NRXN3: variants seen among roughly 807,000 people sequenced by gnomAD.
The protein encoded by NRXN3 is neurexin 3.
A neutral mutation model predicts 137.6 loss-of-function variants in NRXN3; 32 were observed. That is an observed-to-expected ratio of 0.23 (90% confidence interval 0.18 to 0.31). The LOEUF (loss-of-function observed/expected upper bound fraction) is 0.31, where lower values mean the gene tolerates loss of function less well. Ranked by LOEUF, NRXN3 falls within the 10% of genes least tolerant of loss-of-function variation. NRXN3 has a pLI of 1.00. For synonymous variants in NRXN3, 798 were observed against 784.5 expected (o/e 1.02, Z -0.29); for missense variants, 1,574 against 2,062.5 (o/e 0.76, Z 4.59).
intron 10 of NRXN3, among the ~76,000 whole-genome samples, chr14:78,837,949 T>G (rs1428399596): frequency 6.6e-6 from 1 of 152,168 alleles, no homozygotes; most frequent in East Asian, 1.9e-4. Flanking sequence ...GCCCAGAGAA[T>G]GCTAAACAGA....
At chr14:78,880,239 C>CAAAAAAAAAAA (rs59348965) in intron 10 of NRXN3, among the ~76,000 whole-genome samples, 1 of 45,274 alleles carries the variant, frequency 2.2e-5, no homozygotes, top group African/African-American at 7.8e-5. Flanking sequence ...GACTCCGTCT[C>CAAAAAAAAAAA]AAAAAAAAAA....
intron 15 of NRXN3, among the ~76,000 whole-genome samples, chr14:79,008,812 C>T (rs536367638): frequency 4.6e-5 from 7 of 152,104 alleles, no homozygotes; most frequent in African/African-American, 9.7e-5. Context: ...GCGCCCACCA[C>T]CACACCTGGC....
intron 4 of NRXN3, among the ~76,000 whole-genome samples, chr14:78,372,994 A>G (rs896933479): frequency 2.0e-5 from 3 of 152,228 alleles, no homozygotes; most frequent in African/African-American, 7.2e-5. Context: ...GTTCTGGGTT[A>G]AAGTACCAAA....
chr14:78,944,830 T>C (rs923024746), intron 10 of NRXN3, among the ~76,000 whole-genome samples: 2 of 152,218 alleles, frequency 1.3e-5, no homozygotes, highest in Non-Finnish European at 2.9e-5. Flanking sequence ...TAATACCACC[T>C]GCATCCGGAA....
At chr14:78,208,397 T>C (rs2062415144) in intron 1 of NRXN3, among the ~76,000 whole-genome samples, 1 of 152,228 alleles carries the variant, frequency 6.6e-6, no homozygotes, top group South Asian at 2.1e-4. Context: ...ACCATTGTGC[T>C]TTTCCTTGTG....
intron 2 of NRXN3, among the ~76,000 whole-genome samples, chr14:78,273,674 G>A (rs920039452): frequency 2.0e-5 from 3 of 152,186 alleles, no homozygotes; most frequent in African/African-American, 7.2e-5. Context: ...AGGTAAATAT[G>A]TGTGTATACA....
intron 16 of NRXN3, among the ~76,000 whole-genome samples, chr14:79,519,768 CTTTTTT>C (rs200757761): frequency 9.2e-5 from 11 of 119,366 alleles, no homozygotes; most frequent in East Asian, 2.4e-4. Context: ...AATAGTATTT[CTTTTTT>C]TTTTTTTTTT....
intron 10 of NRXN3, 50 bp downstream of exon 10, chr14:78,810,394 A>C (rs1251698780): frequency 2.7e-6 from 3 of 1,102,548 alleles, no homozygotes; most frequent in South Asian, 1.6e-5. Flanking sequence ...AAAAAACAAA[A>C]CTGACTTTAT....
At chr14:78,450,833 T>C (rs1490665922) in intron 4 of NRXN3, among the ~76,000 whole-genome samples, 1 of 152,194 alleles carries the variant, frequency 6.6e-6, no homozygotes, top group East Asian at 1.9e-4. Context: ...AGGTTAGACC[T>C]TGCTGTAAAT....
intron 15 of NRXN3, among the ~76,000 whole-genome samples, chr14:79,412,741 C>A (rs1203712649): frequency 3.7e-5 from 5 of 136,864 alleles, no homozygotes; most frequent in Non-Finnish European, 6.1e-5. Context: ...CGAGATCACA[C>A]CACTGCACTC....
chr14:78,214,896 G>A (rs2063103647), intron 1 of NRXN3, among the ~76,000 whole-genome samples: 1 of 152,126 alleles, frequency 6.6e-6, no homozygotes, highest in Non-Finnish European at 1.5e-5. Flanking sequence ...AGATTTGAAG[G>A]CAAATGCCTG....
At chr14:78,664,853 G>A (rs1378870077) in intron 6 of NRXN3, among the ~76,000 whole-genome samples, 1 of 152,196 alleles carries the variant, frequency 6.6e-6, no homozygotes, top group African/African-American at 2.4e-5. Context: ...CCTGACACAT[G>A]AATAGATGGG....
intron 4 of NRXN3, among the ~76,000 whole-genome samples, chr14:78,537,824 A>G (rs1364592241): frequency 4.6e-5 from 7 of 152,210 alleles, no homozygotes; most frequent in Non-Finnish European, 1.0e-4. Flanking sequence ...AGCTTTCTAC[A>G]TATGGCTAGC....
At chr14:78,244,238 T>C (rs1032086640) in intron 2 of NRXN3, among the ~76,000 whole-genome samples, 4 of 152,144 alleles carry the variant, frequency 2.6e-5, no homozygotes, top group Admixed American at 6.5e-5. Flanking sequence ...GAGACCAGCC[T>C]GGCCAACATG....
chr14:78,901,430 ATTTC>A (rs1217471940), intron 10 of NRXN3, among the ~76,000 whole-genome samples: 4 of 151,896 alleles, frequency 2.6e-5, no homozygotes, highest in Admixed American at 2.6e-4. Context: ...GGAATTTTTC[ATTTC>A]TTTCCACCAT....
At chr14:79,086,533 T>A (rs1240609618) in intron 15 of NRXN3, among the ~76,000 whole-genome samples, 1 of 152,088 alleles carries the variant, frequency 6.6e-6, no homozygotes, top group African/African-American at 2.4e-5. Flanking sequence ...GTGTTTTAAA[T>A]TAGCATAGGT....
chr14:78,936,534 A>T (rs1014982130), intron 10 of NRXN3, among the ~76,000 whole-genome samples: 4 of 152,188 alleles, frequency 2.6e-5, no homozygotes, highest in African/African-American at 7.2e-5. Context: ...GAGCAGGGAG[A>T]GGAAGGGAGT....
At chr14:79,570,597 C>T (rs1364024654) in intron 16 of NRXN3, 2 of 152,158 alleles carry the variant, frequency 1.3e-5, no homozygotes, top group African/African-American at 2.4e-5. Context: ...AGGTCAGGCC[C>T]TGAATCCTTG....
At chr14:79,328,762 A>C (rs2091268627) in intron 15 of NRXN3, among the ~76,000 whole-genome samples, 1 of 152,240 alleles carries the variant, frequency 6.6e-6, no homozygotes, top group African/African-American at 2.4e-5. Context: ...TTCTTATTTC[A>C]TAGCTCATGC....
Sources: allele counts gnomAD v4.1 joint callset (sites outside exome capture counted in the v4.1 genomes callset), GRCh38; gene constraint gnomAD v4.1.1; transcripts MANE v1.5; gene names NCBI Gene and HGNC (gene_info 2026-07-23, HGNC 2026-07-21).